The following MAN1C1 variants were observed in gnomAD, a reference collection of about 807,000 sequenced individuals.
The protein encoded by MAN1C1 is mannosidase alpha class 1C member 1, also known as mannosyl-oligosaccharide 1,2-alpha-mannosidase IC.
A neutral mutation model predicts 71.5 loss-of-function variants in MAN1C1; 49 were observed. That is an observed-to-expected ratio of 0.69 (90% CI 0.54 to 0.87). MAN1C1 has a LOEUF of 0.87. Among genes scored for constraint, MAN1C1 ranks in the 40% least tolerant of loss-of-function variants. The pLI is 0.00. For missense variants in MAN1C1, 743 were observed against 835.0 expected (o/e 0.89, Z 1.36); for synonymous variants, 352 against 343.7 (o/e 1.02, Z -0.27).
At chr1:25,759,089 T>C (rs1477283248) in intron 6 of MAN1C1, 1 of 219,256 alleles carries the variant, frequency 4.6e-6, no homozygotes, top group Non-Finnish European at 9.3e-6. Flanking sequence ...AGAAGTCCCC[T>C]TTCCAGAGAC....
chr1:25,769,809 G>C lies in MAN1C1; in HGVS notation c.1142-1848G>C, dbSNP rs1228476936. On this transcript the variant is annotated intron_variant, in intron 7 of 11. Coordinates refer to ENST00000374332, the MANE Select transcript of MAN1C1 (RefSeq NM_020379.4). The surrounding 1 kb of genome is among the most constrained non-coding windows in gnomAD (Gnocchi z 4.8). ...TACGCAGGCACTCATCGCACACCCGGCGGGCACCCGATGGCAAGGGGGGCC... is the reference window on the plus strand; with the variant it reads ...TACGCAGGCACTCATCGCACACCCGCCGGGCACCCGATGGCAAGGGGGGCC... 1.3e-5 allele frequency among the ~76,000 whole-genome samples: 2 copies of C among 152,218 alleles called. No individual in the cohort carries two copies. The highest frequency in any genetic ancestry group is 2.4e-5 in the African/African-American group (1 of 41,472).
intron 7 of MAN1C1, among the ~76,000 whole-genome samples, chr1:25,768,792 T>C (rs2047499594): frequency 1.3e-5 from 1 of 77,702 alleles, no homozygotes; most frequent in African/African-American, 5.3e-5. Context: ...CATACACACA[T>C]TACACACACT....
At chr1:25,641,771 C>A (rs1195725478) in intron 1 of MAN1C1, among the ~76,000 whole-genome samples, 1 of 152,192 alleles carries the variant, frequency 6.6e-6, no homozygotes, top group Non-Finnish European at 1.5e-5. Flanking sequence ...TTTATTAAGA[C>A]CTGCACCGAA....
intron 1 of MAN1C1, among the ~76,000 whole-genome samples, chr1:25,678,570 T>G (rs894215963): frequency 3.3e-5 from 5 of 152,164 alleles, no homozygotes; most frequent in Non-Finnish European, 7.3e-5. Context: ...ACTTTAAAAG[T>G]TTTTTCTTAG....
At chr1:25,654,867 G>T (rs1397658633) in intron 1 of MAN1C1, among the ~76,000 whole-genome samples, 1 of 152,008 alleles carries the variant, frequency 6.6e-6, no homozygotes, top group Non-Finnish European at 1.5e-5. Context: ...GGATGGTCTC[G>T]ATCTCCTGAC....
intron 5 of MAN1C1, among the ~76,000 whole-genome samples, chr1:25,754,575 C>T (rs1320355907): frequency 2.0e-5 from 3 of 152,090 alleles, no homozygotes; most frequent in Non-Finnish European, 2.9e-5. Flanking sequence ...ATCCCAGTCT[C>T]GATGCCAGGG....
intron 7 of MAN1C1, among the ~76,000 whole-genome samples, chr1:25,767,633 ACACAT>A (rs2047456000): frequency 2.1e-5 from 1 of 47,226 alleles, no homozygotes; most frequent in Non-Finnish European, 3.9e-5. Context: ...CCTCACACAC[ACACAT>A]TACACACTCC....
intron 9 of MAN1C1, 97 bp from the exon 10 acceptor site, chr1:25,780,843 C>A: frequency 7.5e-7 from 1 of 1,340,564 alleles, no homozygotes; most frequent in Non-Finnish European, 1.0e-6. Context: ...TGACATCACC[C>A]TGGCCGCGGG....
At chr1:25,646,630 AG>A (rs1439743550) in intron 1 of MAN1C1, among the ~76,000 whole-genome samples, 2 of 152,228 alleles carry the variant, frequency 1.3e-5, no homozygotes, top group Non-Finnish European at 2.9e-5. Context: ...AGTCCCTGGC[AG>A]CCACGAATCT....
rs527318908 is a variant in MAN1C1 at position 25,696,792 on chromosome 1, C to T, written c.637+10256C>T. 3.9e-5 allele frequency among the ~76,000 whole-genome samples: 6 copies of T among 152,126 alleles called. No homozygotes were observed. In the South Asian group the frequency reaches 8.3e-4, roughly 21 times the overall value. On this transcript the variant is annotated intron_variant, in intron 2 of 11. Coordinates refer to ENST00000374332, the MANE Select transcript of MAN1C1 (RefSeq NM_020379.4). Reference sequence around the variant, plus strand: ...CTCTGGGTAGCTAGGACTACAAGCACGGGACACCACGCCTGGCTAATTTTT... The same window carrying T: ...CTCTGGGTAGCTAGGACTACAAGCATGGGACACCACGCCTGGCTAATTTTT...
chr1:25,747,932 C>G (rs2047152938), intron 3 of MAN1C1, among the ~76,000 whole-genome samples: 1 of 152,180 alleles, frequency 6.6e-6, no homozygotes, highest in Non-Finnish European at 1.5e-5. Flanking sequence ...AGTGAGGTCA[C>G]CCTTGTCATT....
chr1:25,691,993 C>T (rs905800996), intron 2 of MAN1C1, among the ~76,000 whole-genome samples: 3 of 152,192 alleles, frequency 2.0e-5, no homozygotes, highest in African/African-American at 7.2e-5. Context: ...TCAAGGGGCA[C>T]AGAGTCCTGG....
chr1:25,626,694 CTGTT>C (rs1416682919), intron 1 of MAN1C1, among the ~76,000 whole-genome samples: 1 of 152,158 alleles, frequency 6.6e-6, no homozygotes, highest in African/African-American at 2.4e-5. Context: ...TTATAAATGT[CTGTT>C]TAAAACTTTT....
chr1:25,633,749 T>A (rs569566816), intron 1 of MAN1C1, among the ~76,000 whole-genome samples: 2 of 152,328 alleles, frequency 1.3e-5, no homozygotes, highest in African/African-American at 4.8e-5. Flanking sequence ...ATCTTTTAAG[T>A]GGAGCATTTA....
chr1:25,768,966 C>T (rs1193911829), intron 7 of MAN1C1, among the ~76,000 whole-genome samples: 2 of 146,914 alleles, frequency 1.4e-5, no homozygotes, highest in African/African-American at 2.5e-5. Flanking sequence ...ACACACACCC[C>T]CACACTACAC....
chr1:25,622,897 C>T (rs2045235945), intron 1 of MAN1C1, among the ~76,000 whole-genome samples: 1 of 152,186 alleles, frequency 6.6e-6, no homozygotes, highest in Non-Finnish European at 1.5e-5. Flanking sequence ...GATTTATCGT[C>T]ACTAGTGCCA....
chr1:25,775,866 TG>T lies in MAN1C1; in HGVS notation c.1258-2238del, dbSNP rs1252033783. Reference sequence around the variant, plus strand: ...GCCCCCACCCCAGTTTTTTTTGTTTTGTTTTGTTTTCTTGGGTTTTTTGTTT... The same window carrying T: ...GCCCCCACCCCAGTTTTTTTTGTTTTTTTTGTTTTCTTGGGTTTTTTGTTT... On this transcript the variant is annotated intron_variant, in intron 8 of 11. Coordinates refer to ENST00000374332, the MANE Select transcript of MAN1C1 (RefSeq NM_020379.4). This position sits in a 1 kb window ranked among gnomAD's most constrained non-coding sequence, Gnocchi z 5.1. 1 of 152,706 alleles carries T rather than the reference TG, an allele frequency of 6.5e-6. No individual in the cohort carries two copies. The highest frequency in any genetic ancestry group is 1.5e-5 in the Non-Finnish European group (1 of 68,370). The allele number at this position is 152,706 out of a possible 1,614,324, so 9.5% of individuals were successfully genotyped here.
chr1:25,783,767 G>C lies in MAN1C1; in HGVS notation c.1871G>C (p.Gly624Ala), dbSNP rs1360616638. 3 of 1,611,764 alleles carry C rather than the reference G, an allele frequency of 1.9e-6. No individual in the cohort carries two copies. Among genetic ancestry groups the C allele is most frequent in the Non-Finnish European group, 2.5e-6 (3 of 1,180,006 alleles). Reference protein sequence around the residue: ...PLPVNHSDSSGRAWGRH With the variant: ...PLPVNHSDSSARAWGRH Reference sequence around the variant, plus strand: ...CCGGTGAACCACTCAGACAGCTCCGGCAGAGCCTGGGGCAGACACTGACCC... The same window carrying C: ...CCGGTGAACCACTCAGACAGCTCCGCCAGAGCCTGGGGCAGACACTGACCC... Residue 624 changes from glycine to alanine, a missense_variant, in exon 12 of 12, where the codon GGC becomes GCC. Gly to Ala is a moderately conservative substitution (Grantham distance 60, BLOSUM62 0). Transcript: ENST00000374332.
chr1:25,658,371 G>C (rs182366335), intron 1 of MAN1C1, among the ~76,000 whole-genome samples: 1 of 152,276 alleles, frequency 6.6e-6, no homozygotes, highest in Admixed American at 6.5e-5. Context: ...GAGTGGGAGG[G>C]GACTCGAGGC....
Sources: gnomAD v4.1 joint callset for allele counts (sites outside exome capture counted in the v4.1 genomes callset) on GRCh38, gnomAD v4.1.1 for gene constraint, Gnocchi (gnomAD v3.1) non-coding constraint, MANE v1.5 for transcripts, NCBI Gene and HGNC (gene_info 2026-07-23, HGNC 2026-07-21) for gene names.